Variants in ENTPD1 observed in about 807,000 individuals in gnomAD.
The protein encoded by ENTPD1 is ATP diphosphohydrolase.
ENTPD1 carries 33 observed loss-of-function variants against 57.0 expected under a neutral mutation model. That is an observed-to-expected ratio of 0.58 (90% confidence interval 0.44 to 0.77). The LOEUF is 0.77. Among genes scored for constraint, ENTPD1 ranks in the 30% least tolerant of loss-of-function variants. The pLI, the probability that ENTPD1 is intolerant of heterozygous loss-of-function variation, is 0.00. For synonymous variants in ENTPD1, 202 were observed against 218.8 expected (o/e 0.92, Z 0.68); for missense variants, 501 against 603.4 (o/e 0.83, Z 1.78).
In ENTPD1 at chr10:95,868,166, T is replaced by C. The variant is rs775176056; in HGVS notation, c.*1783T>C. ...CACTTCATAGAAACAGAAACTGAGG[T>C]TCAGAGAGGTTAAGTCATTTGCCCA... On this transcript the variant is annotated 3_prime_UTR_variant, in exon 10 of 10. Coordinates refer to ENST00000371205, the MANE Select transcript of ENTPD1 (RefSeq NM_001776.6). The C allele has an allele frequency of 4.6e-5, 45 of 985,256 alleles. No individual in the cohort carries two copies. Among genetic ancestry groups the C allele is most frequent in the Non-Finnish European group, 5.3e-5 (44 of 829,922 alleles). 61.0% of individuals were successfully genotyped at this position (985,256 alleles called of 1,614,324 possible).
chr10:95,751,534 C>T (rs184336045), upstream of ENTPD1, among the ~76,000 whole-genome samples: 1 of 152,110 alleles, frequency 6.6e-6, no homozygotes, highest in East Asian at 1.9e-4. Flanking sequence ...GGCTGGACCA[C>T]ATGGCAAAAC....
chr10:95,801,385 A>C (rs1295510227), intron 1 of ENTPD1, among the ~76,000 whole-genome samples: 2 of 152,076 alleles, frequency 1.3e-5, no homozygotes, highest in Non-Finnish European at 2.9e-5. Context: ...ATATGGTATA[A>C]GGAAGGAGTC....
chr10:95,823,649 A>G (rs1807856159), intron 2 of ENTPD1, among the ~76,000 whole-genome samples: 1 of 152,242 alleles, frequency 6.6e-6, no homozygotes, highest in South Asian at 2.1e-4. Context: ...TATTCACCTT[A>G]TCCAGATCTG....
the ENTPD1 span, among the ~76,000 whole-genome samples, chr10:95,705,789 G>C: frequency 9.2e-5 from 14 of 152,222 alleles, no homozygotes; most frequent in African/African-American, 3.4e-4. Flanking sequence ...ACTGCGCCAG[G>C]CCAACTTAGA....
chr10:95,718,768 C>T (rs915169400), intron 1 of ENTPD1, among the ~76,000 whole-genome samples: 1 of 152,156 alleles, frequency 6.6e-6, no homozygotes, highest in East Asian at 1.9e-4. Context: ...CCCCACTTTT[C>T]GAAGTCCTTT....
rs1424443425 is a variant in ENTPD1 at position 95,875,946 on chromosome 10, G to A, written c.*9563G>A. ...ACAATTCAAGTTGAGATTTGGGTGG[G>A]GACACAGCCAAACCATATCAATGAT... On this transcript the variant is annotated 3_prime_UTR_variant, in exon 10 of 10. Coordinates refer to ENST00000371205, the MANE Select transcript of ENTPD1 (RefSeq NM_001776.6). 1.0e-6 allele frequency: 1 copy of A among 984,848 alleles called. No individual in the cohort carries two copies. Among genetic ancestry groups the A allele is most frequent in the Non-Finnish European group, 1.2e-6 (1 of 829,528 alleles). 61.0% of individuals were successfully genotyped at this position (984,848 alleles called of 1,614,324 possible). A position where few individuals can be genotyped will look rare whatever the true frequency, so the allele number is the denominator to read the frequency against.
intron 3 of ENTPD1, among the ~76,000 whole-genome samples, chr10:95,841,578 A>G (rs2098422724): frequency 6.6e-6 from 1 of 152,242 alleles, no homozygotes. Flanking sequence ...AGGCTGTTTG[A>G]AAACCTGTGA....
At position 95,871,005 on chromosome 10, in the gene ENTPD1, C is replaced by T. The variant is rs1228364160; in HGVS notation, c.*4622C>T. The T allele has an allele frequency of 9.1e-6, 9 of 985,290 alleles. No individual in the cohort carries two copies. The highest frequency in any genetic ancestry group is 9.6e-6 in the Non-Finnish European group (8 of 829,944). The allele number at this position is 985,290 out of a possible 1,614,324, so 61.0% of individuals were successfully genotyped here. ...TCTAGGGATATGTTCTCATGATGAA[C>T]CCCGCAGAGGCTCGTGAAAGTGAGA... On this transcript the variant is annotated 3_prime_UTR_variant, in exon 10 of 10. Transcript: ENST00000371205.
rs1409438631 is a variant in ENTPD1 at position 95,872,153 on chromosome 10, C to A, written c.*5770C>A. 1 of 985,312 alleles carries A rather than the reference C, an allele frequency of 1.0e-6. No homozygotes were observed. Among genetic ancestry groups the A allele is most frequent in the African/African-American group, 1.7e-5 (1 of 57,226 alleles). 61.0% of individuals were successfully genotyped at this position (985,312 alleles called of 1,614,324 possible). The stretch of plus-strand genomic sequence containing the variant: ...AGAGCTGTAATATATTTTACCTGGA[C>A]TGATACCAGGAATGGTGGTGTTGCT... On this transcript the variant is annotated 3_prime_UTR_variant, in exon 10 of 10. Coordinates refer to ENST00000371205, the MANE Select transcript of ENTPD1 (RefSeq NM_001776.6).
At chr10:95,756,409 A>G in intron 1 of ENTPD1, 154 bp downstream of exon 1, 2 of 920,336 alleles carry the variant, frequency 2.2e-6, no homozygotes, top group South Asian at 1.6e-5. Flanking sequence ...AGGCAGAGAA[A>G]GAGCTTTGGG....
At chr10:95,767,515 T>C (rs1589736828) in intron 1 of ENTPD1, among the ~76,000 whole-genome samples, 1 of 151,978 alleles carries the variant, frequency 6.6e-6, no homozygotes, top group Admixed American at 6.6e-5. Flanking sequence ...GTAAAAATTA[T>C]GTTAGTCACT....
At chr10:95,728,257 T>C (rs1443489518) in intron 1 of ENTPD1, among the ~76,000 whole-genome samples, 1 of 152,234 alleles carries the variant, frequency 6.6e-6, no homozygotes, top group Non-Finnish European at 1.5e-5. Flanking sequence ...AGTTGATTAA[T>C]ACATATTTTG....
chr10:95,850,264 T>C (rs2098442626), intron 7 of ENTPD1, among the ~76,000 whole-genome samples: 1 of 152,236 alleles, frequency 6.6e-6, no homozygotes, highest in Non-Finnish European at 1.5e-5. Flanking sequence ...CTTTCTCCTC[T>C]AGATACAGCC....
intron 1 of ENTPD1, among the ~76,000 whole-genome samples, chr10:95,736,474 TTAA>T (rs1443098510): frequency 6.6e-6 from 1 of 152,132 alleles, no homozygotes; most frequent in Non-Finnish European, 1.5e-5. Context: ...AAAGAAAAAG[TTAA>T]TAAACTCCTT....
chr10:95,801,455 A>G (rs1437977150), intron 1 of ENTPD1, among the ~76,000 whole-genome samples: 1 of 152,176 alleles, frequency 6.6e-6, no homozygotes, highest in Non-Finnish European at 1.5e-5. Context: ...TTGAATAGGG[A>G]ATCCTTTCCC....
intron 1 of ENTPD1, among the ~76,000 whole-genome samples, chr10:95,801,010 G>A (rs2098247136): frequency 6.6e-6 from 1 of 152,174 alleles, no homozygotes; most frequent in African/African-American, 2.4e-5. Flanking sequence ...AAATGTCCAT[G>A]AAATCTTCAC....
Position 95,870,091 on chromosome 10 carries a change from C to T in ENTPD1, c.*3708C>T. 3 of 985,344 alleles carry T rather than the reference C, an allele frequency of 3.0e-6. No individual in the cohort carries two copies. Among genetic ancestry groups the T allele is most frequent in the Non-Finnish European group, 3.6e-6 (3 of 829,912 alleles). The allele number at this position is 985,344 out of a possible 1,614,324, so 61.0% of individuals were successfully genotyped here. ...ATTATTTATTATATATGACATTATT[C>T]CTAAAAAAGCTTTTGAGATCCTAGG... is the stretch of plus-strand genomic sequence containing the variant. On this transcript the variant is annotated 3_prime_UTR_variant, in exon 10 of 10. Coordinates refer to ENST00000371205, the MANE Select transcript of ENTPD1 (RefSeq NM_001776.6).
At chr10:95,795,371 A>G (rs896166367) in intron 1 of ENTPD1, among the ~76,000 whole-genome samples, 4 of 152,140 alleles carry the variant, frequency 2.6e-5, no homozygotes, top group African/African-American at 7.2e-5. Context: ...ATATTGAGTT[A>G]TAGAAAGCTA....
chr10:95,771,964 A>G (rs956423696), intron 1 of ENTPD1, among the ~76,000 whole-genome samples: 1 of 152,228 alleles, frequency 6.6e-6, no homozygotes, highest in African/African-American at 2.4e-5. Context: ...CAAAGGAAGT[A>G]ACGTGATTAA....
Sources: gnomAD v4.1 joint callset for allele counts (sites outside exome capture counted in the v4.1 genomes callset) on GRCh38, gnomAD v4.1.1 for gene constraint, MANE v1.5 for transcripts, NCBI Gene and HGNC (gene_info 2026-07-23, HGNC 2026-07-21) for gene names.